PAX2: variants seen among roughly 807,000 people sequenced by gnomAD.
PAX2 encodes paired box 2.
Under a neutral mutation model 41.7 loss-of-function variants are expected in PAX2, and 9 were observed. The observed-to-expected ratio is 0.22, with a 90% confidence interval of 0.13 to 0.38. The LOEUF (loss-of-function observed/expected upper bound fraction) is 0.38. PAX2 is among the 10% of genes least tolerant of loss of function. The pLI is 1.00. For missense variants in PAX2, 418 were observed against 531.6 expected (o/e 0.79, Z 2.10); for synonymous variants, 221 against 212.7 (o/e 1.04, Z -0.34).
chr10:100,786,565 G>A (rs1846870641), intron 5 of PAX2, among the ~76,000 whole-genome samples: 1 of 152,224 alleles, frequency 6.6e-6, no homozygotes, highest in Admixed American at 6.5e-5. Context: ...GGATGGGAAT[G>A]TCATGCACTG....
chr10:100,759,086 GA>G (rs1293413192), intron 3 of PAX2, among the ~76,000 whole-genome samples: 1 of 152,188 alleles, frequency 6.6e-6, no homozygotes, highest in Non-Finnish European at 1.5e-5. Context: ...GGCTGAGCAG[GA>G]AATGGCACGG....
chr10:100,812,010 C>T (rs1021507511), intron 7 of PAX2, among the ~76,000 whole-genome samples: 4 of 152,202 alleles, frequency 2.6e-5, no homozygotes, highest in Non-Finnish European at 4.4e-5. Flanking sequence ...GCAGCTATTC[C>T]ACAAGGTCAG....
At chr10:100,781,505 G>A (rs1299848000) in intron 5 of PAX2, 140 bp downstream of exon 5, 1 of 903,092 alleles carries the variant, frequency 1.1e-6, no homozygotes, top group Admixed American at 1.8e-5. Context: ...CCACTGCCCT[G>A]CTGGCTCCTG....
rs1039146025 is a variant in PAX2, at chr10:100,828,375, C to T, written c.*756C>T. 5 of 233,488 alleles carry T rather than the reference C, an allele frequency of 2.1e-5. No homozygotes were observed. The highest frequency in any genetic ancestry group is 1.8e-4 in the East Asian group (3 of 16,562). The allele number at this position is 233,488 out of a possible 1,614,324, so 14.5% of individuals were successfully genotyped here. Reference sequence around the variant, plus strand: ...TCGGCTCTTCACTGCTCCTCCTGGCCTGCCTAGTTCCCCAGGGCCCGGCAC... The same window carrying T: ...TCGGCTCTTCACTGCTCCTCCTGGCTTGCCTAGTTCCCCAGGGCCCGGCAC... On this transcript the variant is annotated 3_prime_UTR_variant, in exon 10 of 10. Coordinates refer to ENST00000355243, the MANE Select transcript of PAX2 (RefSeq NM_000278.5). The surrounding 1 kb of genome is among the most constrained non-coding windows in gnomAD (Gnocchi z 6.5).
At position 100,814,351 on chromosome 10, in the gene PAX2, CAAAAAAAAAA is replaced by C. The variant is rs11458573; in HGVS notation, c.919+5129_919+5138del. Among the ~76,000 whole-genome samples, 56 of 53,722 alleles carry C rather than the reference CAAAAAAAAAA, an allele frequency of 1.0e-3. 1 individual carries two copies. In the East Asian group the frequency reaches 0.031, roughly 30 times the overall value. The allele number at this position is 53,722 out of a possible 152,430, so 35.2% of individuals were successfully genotyped here. A position where few individuals can be genotyped will look rare whatever the true frequency, so the allele number is the denominator to read the frequency against. ...TGGGCGACACAGCGAGACTCCATCT[CAAAAAAAAAA>C]AAAAAAAAAAAAAGATCAAAGGAAG... On this transcript the variant is annotated intron_variant, in intron 7 of 9. Transcript: ENST00000355243.
At chr10:100,811,127 G>T (rs1191106520) in intron 7 of PAX2, among the ~76,000 whole-genome samples, 1 of 152,134 alleles carries the variant, frequency 6.6e-6, no homozygotes, top group Non-Finnish European at 1.5e-5. Flanking sequence ...AGACAAGTGT[G>T]TGGAGAGGTG....
In PAX2 at chr10:100,804,626, C is replaced by A. The variant is rs185743635; in HGVS notation, c.617-1804C>A. Among the ~76,000 whole-genome samples, 47 of 152,304 alleles carry A rather than the reference C, an allele frequency of 3.1e-4. No homozygotes were observed. In the East Asian group the frequency reaches 7.1e-3, roughly 23 times the overall value. On this transcript the variant is annotated intron_variant, in intron 5 of 9. Coordinates refer to ENST00000355243, the MANE Select transcript of PAX2 (RefSeq NM_000278.5). ...GAAACGGGGCATGTGGCCTCACAGT[C>A]CTCATGCAATCACACACAGACACAC...
intron 5 of PAX2, among the ~76,000 whole-genome samples, chr10:100,787,563 G>C (rs1388657399): frequency 6.6e-6 from 1 of 152,068 alleles, no homozygotes; most frequent in Non-Finnish European, 1.5e-5. Context: ...CTCCATCCAT[G>C]AATCTTCCTC....
chr10:100,803,425 T>C (rs910240994), intron 5 of PAX2, among the ~76,000 whole-genome samples: 1 of 151,946 alleles, frequency 6.6e-6, no homozygotes, highest in Admixed American at 6.5e-5. Flanking sequence ...CCTCCCTTCC[T>C]TCCCTAGCTG....
intron 5 of PAX2, among the ~76,000 whole-genome samples, chr10:100,803,881 T>C (rs1589876687): frequency 2.0e-5 from 3 of 151,668 alleles, no homozygotes; most frequent in Admixed American, 2.0e-4. Flanking sequence ...AGGGCCTGAG[T>C]ATACAAAAAA....
chr10:100,771,863 A>G (rs4450110), intron 3 of PAX2, among the ~76,000 whole-genome samples: 29,968 of 151,742 alleles, frequency 0.2, 3,173 homozygotes, highest in Middle Eastern at 0.32. Flanking sequence ...GCTGGAGTGC[A>G]GTGGCGCGAT....
At chr10:100,760,736 C>T (rs1589824933) in intron 3 of PAX2, among the ~76,000 whole-genome samples, 1 of 149,330 alleles carries the variant, frequency 6.7e-6, no homozygotes, top group African/African-American at 2.6e-5. Context: ...TTTTCTTCCT[C>T]TTTCTCCTCC....
intron 5 of PAX2, among the ~76,000 whole-genome samples, chr10:100,795,713 C>T (rs1201612569): frequency 6.6e-6 from 1 of 152,240 alleles, no homozygotes; most frequent in Non-Finnish European, 1.5e-5. Context: ...GTCACTGCCT[C>T]ACCCTTTCTT....
rs933699363 is a variant in PAX2 at position 100,756,225 on chromosome 10, G to C, written c.410+5334G>C. 5.9e-5 allele frequency among the ~76,000 whole-genome samples: 9 copies of C among 152,172 alleles called. No individual in the cohort carries two copies. In the East Asian group the frequency reaches 9.6e-4, roughly 16 times the overall value. ...AAGGGGGTTCCTATGAGCCCACATG[G>C]GATAGGGGTCCTGCTTCCCAGTCTT... On this transcript the variant is annotated intron_variant, in intron 3 of 9. Coordinates refer to ENST00000355243, the MANE Select transcript of PAX2 (RefSeq NM_000278.5).
Position 100,746,196 on chromosome 10 carries a change from T to A in PAX2, c.-65T>A. On this transcript the variant is annotated 5_prime_UTR_variant, in exon 1 of 10. Coordinates refer to ENST00000355243, the MANE Select transcript of PAX2 (RefSeq NM_000278.5). Reference sequence around the variant, plus strand: ...GTCCCTCCCTTTTCTCCTCAAGTCCTGAAGTTGAGTTTGAGAGGCGACACG... The same window carrying A: ...GTCCCTCCCTTTTCTCCTCAAGTCCAGAAGTTGAGTTTGAGAGGCGACACG... 1 of 1,580,104 alleles carries A rather than the reference T, an allele frequency of 6.3e-7. No homozygotes were observed. Among genetic ancestry groups the A allele is most frequent in the East Asian group, 2.3e-5 (1 of 42,750 alleles).
chr10:100,779,539 C>A lies in PAX2; in HGVS notation c.452C>A (p.Pro151Gln), dbSNP rs199919058. 2.5e-6 allele frequency: 4 copies of A among 1,597,262 alleles called. No homozygotes were observed. In the Admixed American group the frequency reaches 6.9e-5, roughly 28 times the overall value. The change falls in exon 4 of 10, where the codon CCG becomes CAG. Residue 151 changes from proline to glutamine, a missense_variant. By Grantham distance (76) the Pro-to-Gln change is moderately conservative. Around this residue, in one of 2 missense-constraint regions of PAX2, gnomAD observed 310 missense variants for 325.2 expected, o/e 0.95. Transcript: ENST00000355243. ...TKVQQPFHPT[P>Q]DGAGTGVTAP... ...GTTCAGCAGCCTTTCCACCCAACGC[C>A]GGATGGGGCTGGGACAGGAGTGACC...
chr10:100,775,044 G>T (rs1402686216), intron 3 of PAX2, among the ~76,000 whole-genome samples: 2 of 152,200 alleles, frequency 1.3e-5, no homozygotes, highest in Admixed American at 6.5e-5. Flanking sequence ...ACCCTGGCAG[G>T]GCAGTCTCTC....
intron 3 of PAX2, among the ~76,000 whole-genome samples, chr10:100,773,087 G>A (rs1172099258): frequency 2.6e-5 from 4 of 152,104 alleles, no homozygotes; most frequent in Non-Finnish European, 5.9e-5. Context: ...AGCAGGTAAG[G>A]GATTAGTCCC....
chr10:100,747,939 T>A (rs941489818), intron 1 of PAX2: 2 of 982,880 alleles, frequency 2.0e-6, no homozygotes, highest in Admixed American at 6.2e-5. Context: ...GGCAGCCACT[T>A]TGAAACCCAA....
Sources: allele counts gnomAD v4.1 joint callset (sites outside exome capture counted in the v4.1 genomes callset), GRCh38; gene constraint gnomAD v4.1.1; regional missense constraint gnomAD v4.1.1; non-coding constraint Gnocchi (gnomAD v3.1); transcripts MANE v1.5; gene names NCBI Gene and HGNC (gene_info 2026-07-23, HGNC 2026-07-21).